The following PTPN2 variants were observed in gnomAD, a reference collection of about 807,000 sequenced individuals.
PTPN2 encodes protein tyrosine phosphatase non-receptor type 2.
In PTPN2, 19 loss-of-function variants were observed where a neutral mutation model predicts 57.3. The observed-to-expected ratio is 0.33, with a 90% CI of 0.23 to 0.49. The LOEUF (loss-of-function observed/expected upper bound fraction) is 0.49, where lower values mean the gene tolerates loss of function less well. PTPN2 is among the 20% of genes least tolerant of loss of function. The probability of loss-of-function intolerance (pLI) is 0.99; values close to 1 mark genes in which losing one functional copy is unlikely to be tolerated. For missense variants in PTPN2, 358 were observed against 501.1 expected (o/e 0.71, Z 2.73); for synonymous variants, 153 against 164.9 (o/e 0.93, Z 0.55).
At chr18:12,812,796 A>G (rs1049466854) in intron 7 of PTPN2, among the ~76,000 whole-genome samples, 1 of 152,184 alleles carries the variant, frequency 6.6e-6, no homozygotes, top group Admixed American at 6.6e-5. Context: ...AAGGATAAAG[A>G]TGTTTCCAAT....
At chr18:12,874,601 C>G (rs372190906) in intron 1 of PTPN2, among the ~76,000 whole-genome samples, 3 of 128,342 alleles carry the variant, frequency 2.3e-5, no homozygotes, top group Admixed American at 7.5e-5. Flanking sequence ...TTCAGCCCCC[C>G]GCCCGGCCAG....
At position 12,802,098 on chromosome 18, in the gene PTPN2, T is replaced by G; in HGVS notation, c.912A>C (p.Ser304=). Residue 304 remains serine, a synonymous_variant, in exon 8 of 9, where the codon TCA becomes TCC. Coordinates refer to ENST00000309660, the MANE Select transcript of PTPN2 (RefSeq NM_002828.4). ...ATTTTTCAGTCATTATTTTGTTTGG[T>G]GAATGATCAAAGGCAGGAGATAAGT... ...KEDLSPAFDH[S]PNKIMTEKYN... is the part of the protein sequence containing the mutation. 6.2e-7 allele frequency: 1 copy of G among 1,612,606 alleles called. No individual in the cohort carries two copies.
chr18:12,883,853 T>C, intron 1 of PTPN2: 2 of 461,914 alleles, frequency 4.3e-6, no homozygotes, highest in Non-Finnish European at 7.6e-6. Flanking sequence ...AACCATGAGC[T>C]GCTCAGCTCA....
At chr18:12,834,500 T>C (rs905216290) in intron 3 of PTPN2, among the ~76,000 whole-genome samples, 2 of 152,160 alleles carry the variant, frequency 1.3e-5, no homozygotes, top group African/African-American at 4.8e-5. Context: ...TATTATAATG[T>C]AAAATTCATA....
At position 12,801,912 on chromosome 18, in the gene PTPN2, A is replaced by C. The variant is rs184239131; in HGVS notation, c.1040+58T>G. On this transcript the variant is annotated intron_variant, in intron 8 of 8. Coordinates refer to ENST00000309660, the MANE Select transcript of PTPN2 (RefSeq NM_002828.4). Reference sequence around the variant, plus strand: ...AATCCTATGGCACCTGGTCCCATAAAATTTATTTTTAAAATAAAAAAGCCT... The same window carrying C: ...AATCCTATGGCACCTGGTCCCATAACATTTATTTTTAAAATAAAAAAGCCT... 8.4e-5 allele frequency: 122 copies of C among 1,449,416 alleles called. No homozygotes were observed. In the African/African-American group the frequency reaches 1.6e-3, roughly 19 times the overall value. The allele number at this position is 1,449,416 out of a possible 1,614,324, so 89.8% of individuals were successfully genotyped here. A position where few individuals can be genotyped will look rare whatever the true frequency, so the allele number is the denominator to read the frequency against.
Position 12,807,582 on chromosome 18 carries a change from A to ATATAT in PTPN2, c.859-5432_859-5431insATATA, listed in dbSNP as rs764663687. On this transcript the variant is annotated intron_variant, in intron 7 of 8. Transcript: ENST00000309660. ...AAGAAAATGTGGAAAAAAAAAAAAAAAAAAATATATATATATATATATAAT... is the reference window on the plus strand; with the variant it reads ...AAGAAAATGTGGAAAAAAAAAAAAAATATATAAAAATATATATATATATATATAAT... Among the ~76,000 whole-genome samples the ATATAT allele has an allele frequency of 1.8e-4, 11 of 61,492 alleles. 1 individual carries two copies. Among genetic ancestry groups the ATATAT allele is most frequent in the African/African-American group, 3.0e-4 (7 of 22,958 alleles). The allele number at this position is 61,492 out of a possible 152,430, so 40.3% of individuals were successfully genotyped here.
intron 2 of PTPN2, among the ~76,000 whole-genome samples, chr18:12,837,583 C>A (rs1422006492): frequency 6.6e-6 from 1 of 152,096 alleles, no homozygotes; most frequent in Admixed American, 6.5e-5. Context: ...GATGGGAAAG[C>A]AAGAGAAGCA....
At chr18:12,875,601 T>C (rs947834331) in intron 1 of PTPN2, among the ~76,000 whole-genome samples, 1 of 152,194 alleles carries the variant, frequency 6.6e-6, no homozygotes, top group South Asian at 2.1e-4. Context: ...TAATGGGGCA[T>C]TAAGTTAAGG....
intron 2 of PTPN2, among the ~76,000 whole-genome samples, chr18:12,858,751 T>C (rs908687090): frequency 2.0e-5 from 3 of 152,142 alleles, no homozygotes; most frequent in Admixed American, 2.0e-4. Flanking sequence ...CTACAGCGAG[T>C]ACATACTACT....
chr18:12,860,759 G>A (rs981784061), intron 1 of PTPN2, among the ~76,000 whole-genome samples: 3 of 149,624 alleles, frequency 2.0e-5, no homozygotes, highest in African/African-American at 4.9e-5. Flanking sequence ...CATCCTAGGC[G>A]CCTTCGGGTT....
At chr18:12,881,611 G>T (rs1817367466) in intron 1 of PTPN2, among the ~76,000 whole-genome samples, 1 of 152,122 alleles carries the variant, frequency 6.6e-6, no homozygotes, top group South Asian at 2.1e-4. Context: ...CATTCCCTCA[G>T]TGCCTTTGTG....
intron 8 of PTPN2, among the ~76,000 whole-genome samples, chr18:12,796,066 G>A (rs1179702142): frequency 6.6e-6 from 1 of 151,218 alleles, no homozygotes; most frequent in Non-Finnish European, 1.5e-5. Flanking sequence ...ATTTAACTAT[G>A]ATAAATAATG....
intron 9 of PTPN2, chr18:12,787,090 C>A (rs1000654731): frequency 6.6e-6 from 1 of 152,196 alleles, no homozygotes; most frequent in Non-Finnish European, 1.5e-5. Context: ...TTAGAGAATA[C>A]TCTGATGTTC....
intron 2 of PTPN2, chr18:12,839,442 C>G (rs2042973260): frequency 6.6e-6 from 1 of 152,190 alleles, no homozygotes; most frequent in East Asian, 1.9e-4. Context: ...ATTATCATAA[C>G]AGCAGCATCC....
chr18:12,816,586 C>T (rs552041335), intron 6 of PTPN2, among the ~76,000 whole-genome samples: 16 of 152,212 alleles, frequency 1.1e-4, no homozygotes, highest in Admixed American at 5.9e-4. Context: ...AAGAAAAGAT[C>T]TAGGCTGTAT....
intron 7 of PTPN2, among the ~76,000 whole-genome samples, chr18:12,803,874 T>G (rs2041521776): frequency 6.6e-6 from 1 of 152,276 alleles, no homozygotes; most frequent in Non-Finnish European, 1.5e-5. Context: ...CTAGGCCAAA[T>G]GGACCTAACA....
At chr18:12,882,549 TAGAG>T (rs112266673) in intron 1 of PTPN2, among the ~76,000 whole-genome samples, 4 of 152,222 alleles carry the variant, frequency 2.6e-5, no homozygotes, top group African/African-American at 9.6e-5. Flanking sequence ...ACCTATCCCT[TAGAG>T]AGACAGCAGC....
chr18:12,842,672 C>T (rs148149642), intron 2 of PTPN2, among the ~76,000 whole-genome samples: 11 of 152,282 alleles, frequency 7.2e-5, no homozygotes, highest in East Asian at 3.9e-4. Flanking sequence ...GGGGACAAAG[C>T]GGAGAGGAGC....
At chr18:12,877,109 G>A (rs1036957786) in intron 1 of PTPN2, among the ~76,000 whole-genome samples, 1 of 152,130 alleles carries the variant, frequency 6.6e-6, no homozygotes, top group Non-Finnish European at 1.5e-5. Context: ...CCATAAATGA[G>A]GGGTTTGGAA....
Sources: allele counts gnomAD v4.1 joint callset (sites outside exome capture counted in the v4.1 genomes callset), GRCh38; gene constraint gnomAD v4.1.1; transcripts MANE v1.5; gene names NCBI Gene and HGNC (gene_info 2026-07-23, HGNC 2026-07-21).